Variants in DUOX1 observed in about 807,000 individuals in gnomAD.
The protein encoded by DUOX1 is dual oxidase 1.
In DUOX1, 134 loss-of-function variants were observed where a neutral mutation model predicts 181.8. That is an observed-to-expected ratio of 0.74 (90% CI 0.64 to 0.85). DUOX1 has a LOEUF of 0.85. DUOX1 is among the 40% of genes least tolerant of loss of function. The pLI is 0.00. For missense variants in DUOX1, 1,814 were observed against 2,064.4 expected (o/e 0.88, Z 2.35); for synonymous variants, 798 against 832.5 (o/e 0.96, Z 0.71).
Position 45,132,032 on chromosome 15 carries a change from C to G in DUOX1, c.58+8C>G. 1 of 1,600,482 alleles carries G rather than the reference C, an allele frequency of 6.2e-7. No individual in the cohort carries two copies. Among genetic ancestry groups the G allele is most frequent in the South Asian group, 1.1e-5 (1 of 88,346 alleles). ...GGGCATGGACCCCTCTGGGTGAGTA[C>G]AGATTGGAGGAGAAGCATGGTTAGG... On this transcript the variant is annotated splice_region_variant and intron_variant, in intron 2 of 33. Coordinates refer to ENST00000389037, the MANE Select transcript of DUOX1 (RefSeq NM_175940.3).
Position 45,135,181 on chromosome 15 carries a change from C to T in DUOX1, c.385C>T (p.Pro129Ser). ...PAEFLNIRIP[P>S]GDPMFDPDQR... is the part of the protein sequence containing the mutation. The stretch of plus-strand genomic sequence containing the variant: ...CGAGTTCCTCAACATTCGCATCCCG[C>T]CCGGAGACCCCATGTTCGACCCCGA... The change falls in exon 5 of 34, where the codon CCC becomes TCC. Residue 129 changes from proline (P) to serine (S), a missense_variant. Coordinates refer to ENST00000389037, the MANE Select transcript of DUOX1 (RefSeq NM_175940.3). The T allele has an allele frequency of 4.3e-6, 7 of 1,613,884 alleles. No individual in the cohort carries two copies. The highest frequency in any genetic ancestry group is 5.9e-6 in the Non-Finnish European group (7 of 1,179,986).
intron 1 of DUOX1, chr15:45,131,667 GTACCA>G (rs1468049054): frequency 4.7e-6 from 2 of 429,358 alleles, no homozygotes; most frequent in East Asian, 1.0e-4. Context: ...ATGAAGGTAT[GTACCA>G]GGGATTTCTG....
In DUOX1 at chr15:45,150,628, G is replaced by A; in HGVS notation, c.2819-4G>A. On this transcript the variant is annotated splice_region_variant and splice_polypyrimidine_tract_variant and intron_variant, in intron 21 of 33. Transcript: ENST00000389037. ...CTGCTCCCTAGCCTGGCTCTGCTTT[G>A]CAGGGGTGGAGGTGCCTGAAGTCAT... The A allele has an allele frequency of 6.2e-7, 1 of 1,613,852 alleles. No homozygotes were observed. Among genetic ancestry groups the A allele is most frequent in the Non-Finnish European group, 8.5e-7 (1 of 1,179,986 alleles).
intron 2 of DUOX1, among the ~76,000 whole-genome samples, chr15:45,133,612 ACT>A (rs968247177): frequency 6.6e-5 from 10 of 151,764 alleles, no homozygotes; most frequent in Non-Finnish European, 1.3e-4. Flanking sequence ...CTGTCAGCAC[ACT>A]CTGCTCCCTG....
intron 13 of DUOX1, 42 bp from the exon 14 acceptor site, chr15:45,141,250 A>G (rs1322750085): frequency 1.9e-6 from 3 of 1,608,904 alleles, no homozygotes; most frequent in East Asian, 4.5e-5. Context: ...GGAGGCCTGC[A>G]TCCCCTTCCC....
At position 45,143,170 on chromosome 15, in the gene DUOX1, C is replaced by A; in HGVS notation, c.1823-20C>A. 6.2e-7 allele frequency: 1 copy of A among 1,606,964 alleles called. No individual in the cohort carries two copies. Among genetic ancestry groups the A allele is most frequent in the Non-Finnish European group, 8.5e-7 (1 of 1,173,964 alleles). ...CCTAGACCCCCACGTCTCCCTGAAC[C>A]TCTGCCTCTGCCCTCCCAGTGAGCC... is the stretch of plus-strand genomic sequence containing the variant. On this transcript the variant is annotated intron_variant, in intron 15 of 33. Transcript: ENST00000389037.
intron 12 of DUOX1, chr15:45,140,303 G>T (rs1240527496): frequency 1.5e-5 from 4 of 265,096 alleles, no homozygotes; most frequent in Non-Finnish European, 3.0e-5. Context: ...GAGCATGGGG[G>T]CTCGTAAACT....
intron 22 of DUOX1, 26 bp from the exon 23 acceptor site, chr15:45,151,097 C>G: frequency 6.2e-7 from 1 of 1,613,230 alleles, no homozygotes; most frequent in Non-Finnish European, 8.5e-7. Flanking sequence ...TGGCCAGCAT[C>G]CTATCTCTTA....
At chr15:45,139,306 C>T (rs2018888770) in intron 11 of DUOX1, 121 bp from the exon 12 acceptor site, 6 of 1,589,910 alleles carry the variant, frequency 3.8e-6, no homozygotes, top group Non-Finnish European at 5.1e-6. Context: ...GAGCTTCTGA[C>T]ATGCTGACCA....
At chr15:45,149,720 C>T (rs1265805554) in intron 21 of DUOX1, among the ~76,000 whole-genome samples, 1 of 152,172 alleles carries the variant, frequency 6.6e-6, no homozygotes, top group Non-Finnish European at 1.5e-5. Flanking sequence ...GGTGTGGTGG[C>T]ACATGCCTGT....
intron 28 of DUOX1, 37 bp downstream of exon 28, chr15:45,155,966 A>T: frequency 6.2e-7 from 1 of 1,613,306 alleles, no homozygotes. Flanking sequence ...CCAGGAGGGT[A>T]TGGGCAGGAC....
At chr15:45,130,310 C>T (rs1356591010) in intron 1 of DUOX1, among the ~76,000 whole-genome samples, 1 of 152,206 alleles carries the variant, frequency 6.6e-6, no homozygotes, top group East Asian at 1.9e-4. Flanking sequence ...AGACTGGGTT[C>T]TTTGGGACCT....
chr15:45,140,135 C>CA, intron 12 of DUOX1: 1 of 996,756 alleles, frequency 1.0e-6, no homozygotes. Flanking sequence ...AACAGGGGTC[C>CA]TGTTCAGCTG....
intron 28 of DUOX1, among the ~76,000 whole-genome samples, chr15:45,157,571 C>A (rs924994925): frequency 6.6e-6 from 1 of 152,122 alleles, no homozygotes; most frequent in Non-Finnish European, 1.5e-5. Flanking sequence ...TGTAATCCAG[C>A]ACTTTGAGAT....
At chr15:45,138,477 G>T (rs1480406514) in intron 10 of DUOX1, among the ~76,000 whole-genome samples, 1 of 152,174 alleles carries the variant, frequency 6.6e-6, no homozygotes, top group Non-Finnish European at 1.5e-5. Flanking sequence ...GGAAGCAGGG[G>T]TTCCTAGAGA....
intron 12 of DUOX1, 81 bp from the exon 13 acceptor site, chr15:45,140,814 G>A (rs1896469498): frequency 7.2e-7 from 1 of 1,389,200 alleles, no homozygotes. Flanking sequence ...TCATCCCTGG[G>A]GCTAATCCCT....
intron 18 of DUOX1, among the ~76,000 whole-genome samples, chr15:45,146,071 G>A (rs1422954169): frequency 6.6e-6 from 1 of 152,220 alleles, no homozygotes; most frequent in East Asian, 1.9e-4. Context: ...GGAGCTCAGA[G>A]AAGACAGTGA....
Position 45,141,998 on chromosome 15 carries a change from C to A in DUOX1, c.1708C>A (p.Gln570Lys), listed in dbSNP as rs371460881. The change falls in exon 15 of 34, where the codon CAG becomes AAG. Residue 570 changes from glutamine to lysine, a missense_variant. Gln to Lys is a moderately conservative substitution (Grantham distance 53). This residue lies in a region of DUOX1 where 1,064 missense variants were observed against 1,152.9 expected (regional missense o/e 0.92). Coordinates refer to ENST00000389037, the MANE Select transcript of DUOX1 (RefSeq NM_175940.3). ...AGGAGACCCCTGTCCGCAGCCGAGACAGCTCAGCACTGAAGGCCTGCCAGC... is the reference window on the plus strand; with the variant it reads ...AGGAGACCCCTGTCCGCAGCCGAGAAAGCTCAGCACTGAAGGCCTGCCAGC... ...HKGDPCPQPR[Q>K]LSTEGLPACA... The A allele has an allele frequency of 5.6e-6, 9 of 1,613,250 alleles. No homozygotes were observed. Among genetic ancestry groups the A allele is most frequent in the Non-Finnish European group, 7.6e-6 (9 of 1,179,822 alleles).
intron 7 of DUOX1, 76 bp from the exon 8 acceptor site, chr15:45,136,274 C>A (rs1896310629): frequency 6.2e-7 from 1 of 1,605,098 alleles, no homozygotes; most frequent in Non-Finnish European, 8.5e-7. Context: ...CACACGGAAG[C>A]CGTCCTTGGG....
Sources: allele counts gnomAD v4.1 joint callset (sites outside exome capture counted in the v4.1 genomes callset), GRCh38; gene constraint gnomAD v4.1.1; regional missense constraint gnomAD v4.1.1; transcripts MANE v1.5; gene names NCBI Gene and HGNC (gene_info 2026-07-23, HGNC 2026-07-21).